The following IGF1R variants were observed in gnomAD, a reference collection of about 807,000 sequenced individuals.
IGF1R encodes the protein insulin like growth factor 1 receptor.
In IGF1R, 44 loss-of-function variants were observed where a neutral mutation model predicts 144.6. That is an observed-to-expected ratio of 0.30 (90% confidence interval 0.24 to 0.39). The LOEUF (loss-of-function observed/expected upper bound fraction) is 0.39. IGF1R is among the 10% of genes least tolerant of loss of function. IGF1R has a pLI of 1.00. For synonymous variants in IGF1R, 795 were observed against 722.8 expected (o/e 1.10, Z -1.60); for missense variants, 1,355 against 1,833.7 (o/e 0.74, Z 4.77).
At chr15:98,820,283 A>G (rs1292253125) in intron 2 of IGF1R, among the ~76,000 whole-genome samples, 3 of 152,186 alleles carry the variant, frequency 2.0e-5, no homozygotes, top group Admixed American at 2.0e-4. Flanking sequence ...ATATCCTACA[A>G]ATATGTTCTA....
chr15:98,665,290 C>T (rs1458037225), intron 1 of IGF1R, among the ~76,000 whole-genome samples: 5 of 152,124 alleles, frequency 3.3e-5, no homozygotes, highest in Non-Finnish European at 4.4e-5. Context: ...GTTTGACAAG[C>T]GCTCCACTGG....
chr15:98,786,126 T>C (rs1333913780), intron 2 of IGF1R, among the ~76,000 whole-genome samples: 1 of 152,178 alleles, frequency 6.6e-6, no homozygotes, highest in Non-Finnish European at 1.5e-5. Context: ...ATCTCAGACA[T>C]GGAAAGCAAG....
At chr15:98,895,251 CACACACACACACACACAG>C (rs1459171254) in intron 3 of IGF1R, among the ~76,000 whole-genome samples, 8 of 98,032 alleles carry the variant, frequency 8.2e-5, no homozygotes, top group Non-Finnish European at 2.8e-5. Context: ...CACACACACA[CACACACACACACACACAG>C]AGTTAATTTC....
chr15:98,855,679 G>C (rs1172207216), intron 2 of IGF1R, among the ~76,000 whole-genome samples: 1 of 152,174 alleles, frequency 6.6e-6, no homozygotes, highest in Non-Finnish European at 1.5e-5. Context: ...TGCTTTGTCA[G>C]TAGTGGTTTT....
intron 2 of IGF1R, among the ~76,000 whole-genome samples, chr15:98,738,739 T>C (rs2054669175): frequency 6.6e-6 from 1 of 152,218 alleles, no homozygotes; most frequent in Non-Finnish European, 1.5e-5. Flanking sequence ...TACTTGGTAA[T>C]GCCCAGCATT....
At chr15:98,928,612 A>G (rs1169504245) in intron 13 of IGF1R, among the ~76,000 whole-genome samples, 1 of 152,228 alleles carries the variant, frequency 6.6e-6, no homozygotes, top group Non-Finnish European at 1.5e-5. Flanking sequence ...CAAGGAAAGC[A>G]TATCATAAAC....
chr15:98,762,238 C>CTTTTTTTTTTT (rs5814898), intron 2 of IGF1R, among the ~76,000 whole-genome samples: 1 of 95,830 alleles, frequency 1.0e-5, no homozygotes, highest in African/African-American at 4.1e-5. Context: ...CTTTTCTTTT[C>CTTTTTTTTTTT]TTTTTTTTTT....
intron 2 of IGF1R, among the ~76,000 whole-genome samples, chr15:98,805,019 A>G (rs556066830): frequency 1.3e-5 from 2 of 152,336 alleles, no homozygotes; most frequent in Admixed American, 1.3e-4. Flanking sequence ...TTTAAAATAA[A>G]TGATAGATTC....
intron 2 of IGF1R, among the ~76,000 whole-genome samples, chr15:98,771,478 G>A (rs1443865508): frequency 6.6e-6 from 1 of 152,134 alleles, no homozygotes; most frequent in African/African-American, 2.4e-5. Flanking sequence ...TATTTGAGGA[G>A]GTAAGAGGGA....
chr15:98,777,987 C>T (rs28715223), intron 2 of IGF1R, among the ~76,000 whole-genome samples: 4,961 of 152,100 alleles, frequency 0.033, 266 homozygotes, highest in African/African-American at 0.11. Context: ...GATGTGTGTA[C>T]GGGGGTTAGA....
chr15:98,958,591 T>TGGGTCTTACAGTTCTATGTTA lies in IGF1R; in HGVS notation c.*1151_*1171dup. On this transcript the variant is annotated 3_prime_UTR_variant, in exon 21 of 21. Coordinates refer to ENST00000650285, the MANE Select transcript of IGF1R (RefSeq NM_000875.5). Reference sequence around the variant, plus strand: ...TTTCTCTGTTCCTAGGACTTCTTCATGGGTCTTACAGTTCTATGTTAGACC... The same window carrying TGGGTCTTACAGTTCTATGTTA: ...TTTCTCTGTTCCTAGGACTTCTTCATGGGTCTTACAGTTCTATGTTAGGGTCTTACAGTTCTATGTTAGACC... 4.3e-6 allele frequency: 1 copy of TGGGTCTTACAGTTCTATGTTA among 232,952 alleles called. No individual in the cohort carries two copies. Among genetic ancestry groups the TGGGTCTTACAGTTCTATGTTA allele is most frequent in the Non-Finnish European group, 8.5e-6 (1 of 117,530 alleles). The allele number at this position is 232,952 out of a possible 1,614,324, so 14.4% of individuals were successfully genotyped here. A position where few individuals can be genotyped will look rare whatever the true frequency, so the allele number is the denominator to read the frequency against.
intron 2 of IGF1R, among the ~76,000 whole-genome samples, chr15:98,731,145 A>G (rs764337822): frequency 6.6e-6 from 1 of 152,244 alleles, no homozygotes; most frequent in Non-Finnish European, 1.5e-5. Flanking sequence ...CCATTTTGAA[A>G]TGTTACCGTA....
In IGF1R at chr15:98,962,175, C is replaced by T. The variant is rs1329299027; in HGVS notation, c.*4733C>T. On this transcript the variant is annotated 3_prime_UTR_variant, in exon 21 of 21. Coordinates refer to ENST00000650285, the MANE Select transcript of IGF1R (RefSeq NM_000875.5). Reference sequence around the variant, plus strand: ...ATGCTTGTCTAGTGTTCTTAGCTGTCACGTTGGCTCCTTCCAGGGTGGCCA... The same window carrying T: ...ATGCTTGTCTAGTGTTCTTAGCTGTTACGTTGGCTCCTTCCAGGGTGGCCA... The T allele has an allele frequency of 8.6e-6, 2 of 233,224 alleles. No homozygotes were observed. The highest frequency in any genetic ancestry group is 1.7e-5 in the Non-Finnish European group (2 of 118,088). The allele number at this position is 233,224 out of a possible 1,614,324, so 14.4% of individuals were successfully genotyped here. A position where few individuals can be genotyped will look rare whatever the true frequency, so the allele number is the denominator to read the frequency against.
At chr15:98,786,389 T>TA (rs397722162) in intron 2 of IGF1R, among the ~76,000 whole-genome samples, 37 of 151,744 alleles carry the variant, frequency 2.4e-4, no homozygotes, top group African/African-American at 7.7e-4. Context: ...TTTTTTTTTT[T>TA]ATTAAACAAA....
chr15:98,863,035 G>A (rs969290982), intron 2 of IGF1R, among the ~76,000 whole-genome samples: 2 of 152,154 alleles, frequency 1.3e-5, no homozygotes, highest in Admixed American at 6.5e-5. Context: ...TCCAAGAGAC[G>A]ATCCTACCTG....
At chr15:98,931,489 A>T (rs1167261103) in intron 15 of IGF1R, among the ~76,000 whole-genome samples, 2 of 152,260 alleles carry the variant, frequency 1.3e-5, no homozygotes, top group Non-Finnish European at 2.9e-5. Context: ...AGTAAAGTCA[A>T]TCAAAAGCAG....
At chr15:98,789,479 G>T (rs929663914) in intron 2 of IGF1R, among the ~76,000 whole-genome samples, 8 of 152,098 alleles carry the variant, frequency 5.3e-5, no homozygotes, top group African/African-American at 1.9e-4. Flanking sequence ...CCCTTTCTTT[G>T]CTCACCACCT....
chr15:98,916,321 G>A (rs1317496913), intron 9 of IGF1R, among the ~76,000 whole-genome samples, 190 bp downstream of exon 9: 1 of 149,760 alleles, frequency 6.7e-6, no homozygotes, highest in Admixed American at 6.7e-5. Context: ...GAGTGCAGTG[G>A]CACGATCATG....
chr15:98,909,298 G>T, intron 6 of IGF1R, among the ~76,000 whole-genome samples: 1 of 102,428 alleles, frequency 9.8e-6, no homozygotes. Flanking sequence ...GTCTCACTCT[G>T]TCACCCAGGC....
Sources: allele counts gnomAD v4.1 joint callset (sites outside exome capture counted in the v4.1 genomes callset), GRCh38; gene constraint gnomAD v4.1.1; transcripts MANE v1.5; gene names NCBI Gene and HGNC (gene_info 2026-07-23, HGNC 2026-07-21).